PPP3CA: variants seen among roughly 807,000 people sequenced by gnomAD.
PPP3CA encodes protein phosphatase 3 catalytic subunit alpha.
PPP3CA carries 14 observed loss-of-function variants against 66.5 expected under a neutral mutation model. That is an observed-to-expected ratio of 0.21 (90% confidence interval 0.14 to 0.33). The LOEUF (loss-of-function observed/expected upper bound fraction) is 0.33, where lower values mean the gene tolerates loss of function less well. Among genes scored for constraint, PPP3CA ranks in the 10% least tolerant of loss-of-function variants. The probability of loss-of-function intolerance (pLI) is 1.00; values close to 1 mark genes in which losing one functional copy is unlikely to be tolerated. For missense variants in PPP3CA, 317 were observed against 639.5 expected (o/e 0.50, Z 5.44); for synonymous variants, 232 against 226.2 (o/e 1.03, Z -0.23).
intron 1 of PPP3CA, among the ~76,000 whole-genome samples, chr4:101,257,569 G>A (rs1219406371): frequency 1.3e-5 from 2 of 151,890 alleles, no homozygotes; most frequent in Non-Finnish European, 2.9e-5. Context: ...TAATCAATGT[G>A]TAAAATATTT....
chr4:101,095,481 A>T (rs924065139), intron 5 of PPP3CA, among the ~76,000 whole-genome samples: 1 of 152,230 alleles, frequency 6.6e-6, no homozygotes, highest in African/African-American at 2.4e-5. Context: ...CCATGTGCAG[A>T]GCTTAATGAT....
At chr4:101,032,484 G>A (rs1578389028) in intron 11 of PPP3CA, 120 bp from the exon 12 acceptor site, 1 of 774,052 alleles carries the variant, frequency 1.3e-6, no homozygotes. Flanking sequence ...TTGGCTCTCC[G>A]GATCTTTTTT....
chr4:101,157,368 C>T (rs754422451), intron 2 of PPP3CA, among the ~76,000 whole-genome samples: 2 of 152,042 alleles, frequency 1.3e-5, no homozygotes, highest in Non-Finnish European at 2.9e-5. Context: ...ACCTTCCAGG[C>T]ATTTGTGTCA....
At chr4:101,027,626 A>T (rs1204396916) in intron 13 of PPP3CA, among the ~76,000 whole-genome samples, 1 of 152,204 alleles carries the variant, frequency 6.6e-6, no homozygotes, top group Non-Finnish European at 1.5e-5. Context: ...ATGAAGTGGT[A>T]CTCTACTGTC....
intron 1 of PPP3CA, among the ~76,000 whole-genome samples, chr4:101,340,927 C>A (rs1483674250): frequency 6.6e-6 from 1 of 152,126 alleles, no homozygotes; most frequent in Non-Finnish European, 1.5e-5. Context: ...AAATAACATT[C>A]TTTTGCAGGA....
At chr4:101,334,849 A>G (rs1412210486) in intron 1 of PPP3CA, among the ~76,000 whole-genome samples, 1 of 152,204 alleles carries the variant, frequency 6.6e-6, no homozygotes, top group Non-Finnish European at 1.5e-5. Context: ...CACTTCTACG[A>G]AACACTAGGA....
intron 1 of PPP3CA, among the ~76,000 whole-genome samples, chr4:101,346,353 C>T (rs1257118018): frequency 6.6e-6 from 1 of 152,138 alleles, no homozygotes; most frequent in African/African-American, 2.4e-5. Context: ...AAACCATAAA[C>T]CCGATCCCAT....
intron 1 of PPP3CA, among the ~76,000 whole-genome samples, chr4:101,291,128 T>G (rs1228872907): frequency 1.0e-4 from 13 of 127,766 alleles, no homozygotes; most frequent in Admixed American, 1.0e-3. Context: ...GTTTTGCCCC[T>G]TAACTAGGCT....
Position 101,106,463 on chromosome 4 carries a change from A to AGAAAGAAAGAAGAGAAGAGAAGAGAAG in PPP3CA, c.384+2490_384+2491insCTTCTCTTCTCTTCTCTTCTTTCTTTC, listed in dbSNP as rs1560605247. ...AAAGAAAGAAAGAAAGAGAAAAGAA[A>AGAAAGAAAGAAGAGAAGAGAAGAGAAG]AGAAAAGAAAAGAAAAGAAAAGAAA... is the stretch of plus-strand genomic sequence containing the variant. On this transcript the variant is annotated intron_variant, in intron 3 of 13. Transcript: ENST00000394854. Among the ~76,000 whole-genome samples, 13 of 33,758 alleles carry AGAAAGAAAGAAGAGAAGAGAAGAGAAG rather than the reference A, an allele frequency of 3.9e-4. 2 individuals are homozygous for AGAAAGAAAGAAGAGAAGAGAAGAGAAG. The highest frequency in any genetic ancestry group is 5.2e-4 in the Non-Finnish European group (9 of 17,368). 22.1% of individuals were successfully genotyped at this position (33,758 alleles called of 152,430 possible). A position where few individuals can be genotyped will look rare whatever the true frequency, so the allele number is the denominator to read the frequency against.
chr4:101,103,184 G>T (rs553163040), intron 3 of PPP3CA, among the ~76,000 whole-genome samples: 16 of 152,238 alleles, frequency 1.1e-4, no homozygotes, highest in African/African-American at 3.9e-4. Flanking sequence ...CTTGAAAATT[G>T]CATAGAGAAG....
chr4:101,333,527 T>C (rs905052869), intron 1 of PPP3CA, among the ~76,000 whole-genome samples: 2 of 152,006 alleles, frequency 1.3e-5, no homozygotes, highest in African/African-American at 2.4e-5. Flanking sequence ...TCCCTGTTGA[T>C]TGGAAAGCAA....
intron 1 of PPP3CA, among the ~76,000 whole-genome samples, chr4:101,327,000 A>T (rs1007892738): frequency 6.6e-6 from 1 of 152,222 alleles, no homozygotes; most frequent in Non-Finnish European, 1.5e-5. Context: ...AATATACATT[A>T]TTGTGATAAT....
At chr4:101,214,462 G>A (rs982243599) in intron 1 of PPP3CA, among the ~76,000 whole-genome samples, 4 of 151,960 alleles carry the variant, frequency 2.6e-5, no homozygotes, top group African/African-American at 7.3e-5. Context: ...GAAACATATA[G>A]CAACTCCCTG....
intron 13 of PPP3CA, among the ~76,000 whole-genome samples, chr4:101,028,720 A>G (rs1726782485): frequency 6.6e-6 from 1 of 152,192 alleles, no homozygotes; most frequent in East Asian, 1.9e-4. Context: ...ACAAAGCACT[A>G]TTTAAATGAA....
At chr4:101,295,995 G>A (rs931139650) in intron 1 of PPP3CA, among the ~76,000 whole-genome samples, 1 of 152,042 alleles carries the variant, frequency 6.6e-6, no homozygotes, top group African/African-American at 2.4e-5. Flanking sequence ...TTTTGTAACA[G>A]ATTTGAAAAT....
At chr4:101,342,788 T>G (rs1039362903) in intron 1 of PPP3CA, among the ~76,000 whole-genome samples, 1 of 152,192 alleles carries the variant, frequency 6.6e-6, no homozygotes, top group African/African-American at 2.4e-5. Flanking sequence ...CATTATTTAC[T>G]ACTCTGTTGC....
rs1197600850 is a variant in PPP3CA, at chr4:101,285,591, CTGTGTGTATGTGTG to C, written c.58+61134_58+61147del. Among the ~76,000 whole-genome samples the C allele has an allele frequency of 7.8e-3, 1,029 of 131,848 alleles. 19 individuals are homozygous for C. The highest frequency in any genetic ancestry group is 0.028 in the African/African-American group (958 of 34,050). The allele number at this position is 131,848 out of a possible 152,430, so 86.5% of individuals were successfully genotyped here. On this transcript the variant is annotated intron_variant, in intron 1 of 13. Transcript: ENST00000394854. ...CCTTTCCCTTCCCTTTCAAATGCCA[CTGTGTGTATGTGTG>C]TGTGTGTGTGTGTGTGTGTGTGTGT...
chr4:101,201,545 C>G (rs1578549334), intron 1 of PPP3CA, among the ~76,000 whole-genome samples: 1 of 152,312 alleles, frequency 6.6e-6, no homozygotes, highest in East Asian at 1.9e-4. Context: ...CTTTAATTTT[C>G]CCTCTTAACA....
At position 101,289,874 on chromosome 4, in the gene PPP3CA, G is replaced by A. The variant is rs995743318; in HGVS notation, c.58+56865C>T. ...ATAATCCCAAAATGTCCGTGTATGTGTGTGTGTGTGTGTGTGTGTGTGTGT... is the reference window on the plus strand; with the variant it reads ...ATAATCCCAAAATGTCCGTGTATGTATGTGTGTGTGTGTGTGTGTGTGTGT... On this transcript the variant is annotated intron_variant, in intron 1 of 13. Coordinates refer to ENST00000394854, the MANE Select transcript of PPP3CA (RefSeq NM_000944.5). Among the ~76,000 whole-genome samples the A allele has an allele frequency of 8.0e-5, 6 of 75,156 alleles. No individual in the cohort carries two copies. The East Asian group carries it at 3.2e-3, about 40-fold the overall frequency. 49.3% of individuals were successfully genotyped at this position (75,156 alleles called of 152,430 possible). A position where few individuals can be genotyped will look rare whatever the true frequency, so the allele number is the denominator to read the frequency against.
Sources: allele counts gnomAD v4.1 joint callset (sites outside exome capture counted in the v4.1 genomes callset), GRCh38; gene constraint gnomAD v4.1.1; transcripts MANE v1.5; gene names NCBI Gene and HGNC (gene_info 2026-07-23, HGNC 2026-07-21).